STT3A: variants seen among roughly 807,000 people sequenced by gnomAD.
STT3A encodes STT3 oligosaccharyltransferase complex catalytic subunit A.
In STT3A, 34 loss-of-function variants were observed where a neutral mutation model predicts 89.2. The observed-to-expected ratio is 0.38, with a 90% CI of 0.29 to 0.51. The LOEUF (loss-of-function observed/expected upper bound fraction) is 0.51. STT3A is among the 20% of genes least tolerant of loss of function. The pLI is 0.89. For synonymous variants in STT3A, 282 were observed against 310.3 expected (o/e 0.91, Z 0.96); for missense variants, 555 against 889.5 (o/e 0.62, Z 4.78).
rs1451252913 is a variant in STT3A at position 125,620,819 on chromosome 11, T to C, written c.*9T>C. The stretch of plus-strand genomic sequence containing the variant: ...GCTTGTCAAGGACATAAATGTCACG[T>C]CCAGCTCTGATATGCTTCGCACTGA... On this transcript the variant is annotated 3_prime_UTR_variant, in exon 18 of 18. Transcript: ENST00000392708. 1 of 1,612,722 alleles carries C rather than the reference T, an allele frequency of 6.2e-7. No homozygotes were observed. Among genetic ancestry groups the C allele is most frequent in the East Asian group, 2.2e-5 (1 of 44,846 alleles).
intron 1 of STT3A, chr11:125,595,021 G>A (rs1399343773): frequency 6.6e-6 from 1 of 152,164 alleles, no homozygotes; most frequent in Non-Finnish European, 1.5e-5. Flanking sequence ...TATCAGGTAT[G>A]CTGTTAGTTG....
Position 125,622,239 on chromosome 11 carries a change from A to G in STT3A, c.*1429A>G, listed in dbSNP as rs746427472. ...GTGCTCCTAAGGGATATGCTGTTGT[A>G]TATTTGTATAGCCAGGGCACTTAGC... On this transcript the variant is annotated 3_prime_UTR_variant, in exon 18 of 18. Coordinates refer to ENST00000392708, the MANE Select transcript of STT3A (RefSeq NM_152713.5). 5.9e-5 allele frequency: 9 copies of G among 152,202 alleles called. No homozygotes were observed. The highest frequency in any genetic ancestry group is 1.9e-4 in the East Asian group (1 of 5,206). The allele number at this position is 152,202 out of a possible 1,614,324, so 9.4% of individuals were successfully genotyped here.
At position 125,608,204 on chromosome 11, in the gene STT3A, A is replaced by G. The variant is rs1018557009; in HGVS notation, c.876A>G (p.Pro292=). 7.4e-6 allele frequency: 12 copies of G among 1,614,118 alleles called. No individual in the cohort carries two copies. The African/African-American group carries it at 1.1e-4, about 14-fold the overall frequency. Residue 292 remains proline (P), a synonymous_variant, in exon 9 of 18, where the codon CCA becomes CCG. Coordinates refer to ENST00000392708, the MANE Select transcript of STT3A (RefSeq NM_152713.5). ...FVDYLRSKLN[P]QQFEVLFRSV... is the part of the protein sequence containing the mutation. ...ATTACCTGCGCAGCAAGTTGAATCC[A>G]CAACAATTTGAAGTTCTTTTCCGGA...
intron 1 of STT3A, chr11:125,593,420 G>A (rs2135894150): frequency 6.6e-6 from 1 of 152,412 alleles, no homozygotes; most frequent in African/African-American, 2.4e-5. Flanking sequence ...GCACAGTTGA[G>A]GAGAGCAGGT....
At chr11:125,604,376 C>T (rs535676872) in intron 6 of STT3A, 129 bp downstream of exon 6, 92 of 858,588 alleles carry the variant, frequency 1.1e-4, no homozygotes, top group East Asian at 1.0e-3. Context: ...TGGGCAGGAA[C>T]GGATCTTGGA....
intron 11 of STT3A, among the ~76,000 whole-genome samples, chr11:125,611,757 T>A (rs939030494): frequency 2.1e-4 from 32 of 152,266 alleles, no homozygotes; most frequent in Admixed American, 2.1e-3. Context: ...ATTTTTGCAC[T>A]TTGTTGGATA....
upstream of STT3A, chr11:125,592,790 G>T (rs182539153): frequency 1.3e-3 from 290 of 219,066 alleles, 1 homozygote; most frequent in African/African-American, 6.6e-3. Flanking sequence ...CTCCAGAAGC[G>T]TCCTATTGGC....
At chr11:125,605,337 T>G (rs1318172894) in intron 6 of STT3A, among the ~76,000 whole-genome samples, 1 of 152,170 alleles carries the variant, frequency 6.6e-6, no homozygotes, top group Non-Finnish European at 1.5e-5. Context: ...GCAGGATGTT[T>G]AGTGCTTGGA....
chr11:125,597,737 A>T (rs1217804367), intron 3 of STT3A, among the ~76,000 whole-genome samples: 1 of 152,240 alleles, frequency 6.6e-6, no homozygotes, highest in Non-Finnish European at 1.5e-5. Context: ...AAAAAACTCA[A>T]AGTTATCAGT....
chr11:125,611,644 T>G (rs950033984), intron 11 of STT3A, 125 bp downstream of exon 11: 2 of 868,786 alleles, frequency 2.3e-6, no homozygotes, highest in African/African-American at 3.4e-5. Context: ...TTTGAGGGAA[T>G]GAGTTGTAAG....
chr11:125,616,879 C>A (rs1333117601), intron 15 of STT3A, among the ~76,000 whole-genome samples: 1 of 152,122 alleles, frequency 6.6e-6, no homozygotes, highest in East Asian at 1.9e-4. Context: ...GGTTTCGCCA[C>A]ATTGCCCAGG....
intron 17 of STT3A, 103 bp downstream of exon 17, chr11:125,620,229 A>G (rs992121191): frequency 1.1e-5 from 10 of 871,426 alleles, no homozygotes; most frequent in African/African-American, 1.7e-5. Context: ...GAAATTTCTC[A>G]TGACACCTGT....
In STT3A at chr11:125,604,307, A is replaced by G. The variant is rs887147771; in HGVS notation, c.508+60A>G. On this transcript the variant is annotated intron_variant, in intron 6 of 17. Transcript: ENST00000392708. Reference sequence around the variant, plus strand: ...ACCTCATTATCCAACAGAGCTTCACAAAGTGCAGTCTATGGTTTAGCAATA... The same window carrying G: ...ACCTCATTATCCAACAGAGCTTCACGAAGTGCAGTCTATGGTTTAGCAATA... The G allele has an allele frequency of 9.7e-6, 15 of 1,539,520 alleles. No individual in the cohort carries two copies. The African/African-American group carries it at 1.6e-4, about 17-fold the overall frequency.
At chr11:125,620,233 C>A in intron 17 of STT3A, 107 bp downstream of exon 17, 1 of 838,244 alleles carries the variant, frequency 1.2e-6, no homozygotes, top group South Asian at 1.8e-5. Flanking sequence ...TTTCTCATGA[C>A]ACCTGTGCTT....
intron 9 of STT3A, among the ~76,000 whole-genome samples, chr11:125,608,565 A>T (rs544718175): frequency 6.6e-6 from 1 of 152,292 alleles, no homozygotes; most frequent in East Asian, 1.9e-4. Flanking sequence ...ACCTCAGGTG[A>T]TCCGCCCGCC....
intron 15 of STT3A, among the ~76,000 whole-genome samples, chr11:125,615,572 TTAAG>T (rs1940155923): frequency 1.3e-5 from 2 of 152,336 alleles, no homozygotes; most frequent in South Asian, 4.1e-4. Flanking sequence ...CTACACTGTA[TTAAG>T]TATTATAGGT....
chr11:125,612,910 GA>G, intron 12 of STT3A, 78 bp from the exon 13 acceptor site: 1 of 1,546,128 alleles, frequency 6.5e-7, no homozygotes. Context: ...TCATCTATAT[GA>G]ATGTGTCTAA....
chr11:125,611,587 A>G, intron 11 of STT3A, 68 bp downstream of exon 11: 1 of 1,418,270 alleles, frequency 7.1e-7, no homozygotes, highest in South Asian at 1.2e-5. Context: ...TCTGTCTGGC[A>G]GAATTCAGAA....
At chr11:125,593,345 G>A (rs762991117) in intron 1 of STT3A, 3 of 152,654 alleles carry the variant, frequency 2.0e-5, no homozygotes, top group Admixed American at 1.3e-4. Context: ...TAGGAAAACG[G>A]GGCTGGGGAA....
Sources: gnomAD v4.1 joint callset for allele counts (sites outside exome capture counted in the v4.1 genomes callset) on GRCh38, gnomAD v4.1.1 for gene constraint, MANE v1.5 for transcripts, NCBI Gene and HGNC (gene_info 2026-07-23, HGNC 2026-07-21) for gene names.